Variants in STK17A observed in about 807,000 individuals in gnomAD.
The protein encoded by STK17A is serine/threonine kinase 17a.
A neutral mutation model predicts 43.7 loss-of-function variants in STK17A; 26 were observed. The ratio of observed to expected loss-of-function variants is 0.60; its 90% confidence interval spans 0.44 to 0.83. STK17A has a LOEUF of 0.83. Among genes scored for constraint, STK17A ranks in the 40% least tolerant of loss-of-function variants. STK17A has a pLI of 0.00. For synonymous variants in STK17A, 191 were observed against 182.5 expected, an observed-to-expected ratio of 1.05 and a Z score of -0.38; for missense variants, 476 against 511.6, an observed-to-expected ratio of 0.93 and a Z score of 0.67.
At chr7:43,589,778 G>A (rs1167496500) in intron 1 of STK17A, among the ~76,000 whole-genome samples, 4 of 150,892 alleles carry the variant, frequency 2.7e-5, no homozygotes, top group East Asian at 3.9e-4. Context: ...CAGTCCCTAC[G>A]CTGGTACTTG....
At chr7:43,595,264 T>A (rs1451953131) in intron 1 of STK17A, among the ~76,000 whole-genome samples, 1 of 136,212 alleles carries the variant, frequency 7.3e-6, no homozygotes, top group Admixed American at 8.2e-5. Context: ...AAAAATCAAA[T>A]GGCTTTTTTT....
intron 1 of STK17A, among the ~76,000 whole-genome samples, chr7:43,592,376 A>G: frequency 6.6e-6 from 1 of 151,774 alleles, no homozygotes; most frequent in East Asian, 1.9e-4. Flanking sequence ...GTAGGTTGTT[A>G]CCAAATTGAA....
chr7:43,606,481 G>A (rs2082589159), intron 2 of STK17A, among the ~76,000 whole-genome samples: 1 of 152,132 alleles, frequency 6.6e-6, no homozygotes, highest in African/African-American at 2.4e-5. Context: ...CTAGAAAGTT[G>A]AAATTTTAAA....
chr7:43,595,282 TTTTTTC>T (rs1210928316), intron 1 of STK17A, among the ~76,000 whole-genome samples: 1 of 146,452 alleles, frequency 6.8e-6, no homozygotes, highest in Non-Finnish European at 1.5e-5. Flanking sequence ...TTTTTTTTTT[TTTTTTC>T]CCCCCTGGAG....
At chr7:43,615,901 G>A (rs1015120140) in intron 3 of STK17A, among the ~76,000 whole-genome samples, 2 of 152,026 alleles carry the variant, frequency 1.3e-5, no homozygotes, top group African/African-American at 4.8e-5. Context: ...TCTTAGAGAG[G>A]CCTTCTCTGA....
At chr7:43,584,397 T>C (rs1226265090) in intron 1 of STK17A, among the ~76,000 whole-genome samples, 1 of 152,260 alleles carries the variant, frequency 6.6e-6, no homozygotes, top group Non-Finnish European at 1.5e-5. Flanking sequence ...AATCGTATAA[T>C]GATGACAGTA....
chr7:43,593,548 G>T (rs767925916), intron 1 of STK17A, among the ~76,000 whole-genome samples: 1 of 152,124 alleles, frequency 6.6e-6, no homozygotes, highest in Non-Finnish European at 1.5e-5. Context: ...AACATTTGTT[G>T]TTTTTTAACT....
chr7:43,603,510 A>T (rs1328624914), intron 2 of STK17A, among the ~76,000 whole-genome samples: 1 of 152,194 alleles, frequency 6.6e-6, no homozygotes, highest in Non-Finnish European at 1.5e-5. Flanking sequence ...AAGGAAATAG[A>T]TATGGAGGTT....
chr7:43,616,903 G>A (rs11977501), intron 3 of STK17A, among the ~76,000 whole-genome samples: 58,968 of 151,960 alleles, frequency 0.39, 11,657 homozygotes, highest in Admixed American at 0.47. Flanking sequence ...TCTCAAAAAA[G>A]GAGGGACCAT....
chr7:43,590,372 T>C (rs1468672285), intron 1 of STK17A, among the ~76,000 whole-genome samples: 1 of 151,462 alleles, frequency 6.6e-6, no homozygotes, highest in Non-Finnish European at 1.5e-5. Flanking sequence ...CTAAGCAGTG[T>C]TTTTAGGCAC....
rs552474978 is a variant in STK17A, at chr7:43,585,720, C to T, written c.206+2271C>T. ...TGTGGACTTGAGTGCATTACCTAAC[C>T]GTTTATTGCCTCATAGGGTTGGTGA... is the stretch of plus-strand genomic sequence containing the variant. On this transcript the variant is annotated intron_variant, in intron 1 of 6. Transcript: ENST00000319357. 4.2e-3 allele frequency among the ~76,000 whole-genome samples: 643 copies of T among 151,534 alleles called. 32 individuals are homozygous for T. Among genetic ancestry groups the T allele is most frequent in the Non-Finnish European group, 7.5e-3 (505 of 67,606 alleles).
chr7:43,600,476 TA>T (rs1231793052), intron 2 of STK17A, among the ~76,000 whole-genome samples: 5 of 152,096 alleles, frequency 3.3e-5, no homozygotes, highest in East Asian at 3.9e-4. Context: ...AGCTCTGGTT[TA>T]AAAAAAATGA....
At chr7:43,586,177 G>T (rs2082437769) in intron 1 of STK17A, among the ~76,000 whole-genome samples, 1 of 151,102 alleles carries the variant, frequency 6.6e-6, no homozygotes. Flanking sequence ...AAGAAAAACA[G>T]ATTTTTTTTT....
intron 4 of STK17A, among the ~76,000 whole-genome samples, chr7:43,620,679 A>AG (rs1333130857): frequency 6.6e-6 from 1 of 151,964 alleles, no homozygotes; most frequent in Non-Finnish European, 1.5e-5. Context: ...GTCTCAAAAA[A>AG]AAAAAAAAGA....
chr7:43,618,125 C>G (rs949607608), intron 3 of STK17A, among the ~76,000 whole-genome samples: 1 of 152,004 alleles, frequency 6.6e-6, no homozygotes, highest in African/African-American at 2.4e-5. Context: ...TCTAGAGGAC[C>G]AATGTGATGG....
In STK17A at chr7:43,591,018, C is replaced by A. The variant is rs189221253; in HGVS notation, c.207-4883C>A. On this transcript the variant is annotated intron_variant, in intron 1 of 6. Transcript: ENST00000319357. ...ACAGCTCCAAGAAATCCGTTATTATCTTCTCTGACTCCTCCTTGAGTGGTT... is the reference window on the plus strand; with the variant it reads ...ACAGCTCCAAGAAATCCGTTATTATATTCTCTGACTCCTCCTTGAGTGGTT... Among the ~76,000 whole-genome samples the A allele has an allele frequency of 1.5e-4, 22 of 151,646 alleles. No homozygotes were observed. In the East Asian group the frequency reaches 4.0e-3, roughly 28 times the overall value.
chr7:43,624,946 A>T lies in STK17A; in HGVS notation c.*104A>T. 1 of 1,055,994 alleles carries T rather than the reference A, an allele frequency of 9.5e-7. No individual in the cohort carries two copies. 65.4% of individuals were successfully genotyped at this position (1,055,994 alleles called of 1,614,324 possible). On this transcript the variant is annotated 3_prime_UTR_variant, in exon 7 of 7. Coordinates refer to ENST00000319357, the MANE Select transcript of STK17A (RefSeq NM_004760.3). Reference sequence around the variant, plus strand: ...CATGTACTGGAAGTGGATAACCAGTATCACTTACACAAACAAAAATAACTT... The same window carrying T: ...CATGTACTGGAAGTGGATAACCAGTTTCACTTACACAAACAAAAATAACTT...
In STK17A at chr7:43,626,209, A is replaced by G. The variant is rs2108411; in HGVS notation, c.*1367A>G. ...CCCTTCACGGTCTGATTAGGGTGTC[A>G]CACAAAGCTCTCTCCCTAACATGGT... On this transcript the variant is annotated 3_prime_UTR_variant, in exon 7 of 7. Coordinates refer to ENST00000319357, the MANE Select transcript of STK17A (RefSeq NM_004760.3). 0.71 allele frequency: 107,729 copies of G among 152,120 alleles called. 38,652 individuals carry two copies. The highest frequency in any genetic ancestry group is 0.84 in the African/African-American group (34,771 of 41,488). 9.4% of individuals were successfully genotyped at this position (152,120 alleles called of 1,614,324 possible).
In STK17A at chr7:43,623,584, T is replaced by G; in HGVS notation, c.704T>G (p.Leu235Arg). The part of the protein sequence containing the change: ...GTPEYVAPEI[L>R]SYDPISMATD... ...TTTCTGATACTAGCTCCTGAAATTC[T>G]TAGTTATGATCCTATAAGCATGGCA... The change falls in exon 5 of 7, where the codon CTT becomes CGT. Residue 235 changes from leucine to arginine, a missense_variant. Transcript: ENST00000319357. The G allele has an allele frequency of 2.5e-6, 4 of 1,609,568 alleles. No individual in the cohort carries two copies. The highest frequency in any genetic ancestry group is 3.4e-6 in the Non-Finnish European group (4 of 1,178,722).
Sources: allele counts gnomAD v4.1 joint callset (sites outside exome capture counted in the v4.1 genomes callset), GRCh38; gene constraint gnomAD v4.1.1; transcripts MANE v1.5; gene names NCBI Gene and HGNC (gene_info 2026-07-23, HGNC 2026-07-21).